LAP3: variants seen among roughly 807,000 people sequenced by gnomAD.
LAP3 encodes leucine aminopeptidase 3, also known as cytosol aminopeptidase.
In LAP3, 46 loss-of-function variants were observed where a neutral mutation model predicts 58.8. That is an observed-to-expected ratio of 0.78 (90% CI 0.62 to 1.00). The LOEUF (loss-of-function observed/expected upper bound fraction) is 1.00, where lower values mean the gene tolerates loss of function less well. LAP3 is among the 50% of genes least tolerant of loss of function. LAP3 has a pLI of 0.00. For synonymous variants in LAP3, 257 were observed against 237.7 expected (o/e 1.08, Z -0.75); for missense variants, 615 against 659.1 (o/e 0.93, Z 0.73).
rs776595519 is a variant in LAP3 at position 17,598,485 on chromosome 4, C to T, written c.1107C>T (p.Leu369=). Residue 369 remains leucine (L), a synonymous_variant, in exon 10 of 13, where the codon CTC becomes CTT. Transcript: ENST00000226299. ...ATAACACTGATGCTGAGGGGAGGCT[C>T]ATACTGGCTGATGCGCTCTGTTACG... ...QVDNTDAEGR[L]ILADALCYAH... The T allele has an allele frequency of 6.2e-7, 1 of 1,614,152 alleles. No homozygotes were observed. The highest frequency in any genetic ancestry group is 8.5e-7 in the Non-Finnish European group (1 of 1,179,974).
intron 7 of LAP3, among the ~76,000 whole-genome samples, chr4:17,594,520 C>G (rs1235302967): frequency 6.6e-6 from 1 of 152,228 alleles, no homozygotes; most frequent in Non-Finnish European, 1.5e-5. Context: ...GTCGAAGCCC[C>G]TGGCTCTGTG....
In LAP3 at chr4:17,595,292, C is replaced by T. The variant is rs1441858454; in HGVS notation, c.864-118C>T. ...TGACCTCGTGATCCGCCCACCTCGG[C>T]CTCCCAAAGTGCTGGGATTACAGGC... is the stretch of plus-strand genomic sequence containing the variant. On this transcript the variant is annotated intron_variant, in intron 7 of 12. Coordinates refer to ENST00000226299, the MANE Select transcript of LAP3 (RefSeq NM_015907.3). 9 of 1,132,364 alleles carry T rather than the reference C, an allele frequency of 7.9e-6. No individual in the cohort carries two copies. In the Admixed American group the frequency reaches 2.0e-4, roughly 25 times the overall value. The allele number at this position is 1,132,364 out of a possible 1,614,324, so 70.1% of individuals were successfully genotyped here. A position where few individuals can be genotyped will look rare whatever the true frequency, so the allele number is the denominator to read the frequency against.
intron 9 of LAP3, among the ~76,000 whole-genome samples, chr4:17,597,959 A>G (rs1304987818): frequency 6.6e-6 from 1 of 152,210 alleles, no homozygotes; most frequent in African/African-American, 2.4e-5. Flanking sequence ...TGAAGTTGCA[A>G]GAGTTTTCAT....
At chr4:17,597,500 C>T (rs1208752522) in intron 9 of LAP3, among the ~76,000 whole-genome samples, 2 of 152,208 alleles carry the variant, frequency 1.3e-5, no homozygotes, top group East Asian at 3.9e-4. Context: ...AACTCCTAGA[C>T]TCAAGTGATC....
At chr4:17,593,980 TAA>T (rs543230487) in intron 7 of LAP3, among the ~76,000 whole-genome samples, 1 of 152,086 alleles carries the variant, frequency 6.6e-6, no homozygotes, top group Non-Finnish European at 1.5e-5. Flanking sequence ...TGTGTGTGTG[TAA>T]AAATGTGCTG....
At chr4:17,598,338 G>T in intron 9 of LAP3, 118 bp from the exon 10 acceptor site, 1 of 740,646 alleles carries the variant, frequency 1.4e-6, no homozygotes, top group Non-Finnish European at 2.5e-6. Flanking sequence ...TGAATGGTTT[G>T]ATAATGACAC....
chr4:17,589,058 G>T (rs1000145733), intron 7 of LAP3, 81 bp downstream of exon 7: 2 of 1,411,294 alleles, frequency 1.4e-6, no homozygotes, highest in Non-Finnish European at 1.9e-6. Flanking sequence ...GGGTTTTTTG[G>T]TTTGATTTTT....
At chr4:17,596,955 C>T (rs1332873671) in intron 8 of LAP3, 91 bp from the exon 9 acceptor site, 3 of 1,144,436 alleles carry the variant, frequency 2.6e-6, no homozygotes, top group South Asian at 1.3e-5. Flanking sequence ...TTGTGTCTTG[C>T]TTCTCATGGC....
intron 7 of LAP3, among the ~76,000 whole-genome samples, chr4:17,593,648 G>C (rs1292863228): frequency 1.3e-4 from 14 of 106,682 alleles, no homozygotes; most frequent in Non-Finnish European, 5.1e-5. Context: ...GTCTCACTCT[G>C]TTGCCCAGGC....
intron 7 of LAP3, among the ~76,000 whole-genome samples, chr4:17,591,063 C>T (rs1423497828): frequency 1.3e-5 from 2 of 150,846 alleles, no homozygotes; most frequent in South Asian, 2.1e-4. Flanking sequence ...GCCACCACAC[C>T]CAGCCTAAAC....
chr4:17,607,883 G>GT lies in LAP3; in HGVS notation c.*295dup, dbSNP rs1318472198. The GT allele has an allele frequency of 4.5e-6, 1 of 222,010 alleles. No individual in the cohort carries two copies. The highest frequency in any genetic ancestry group is 1.2e-4 in the South Asian group (1 of 8,580). 13.8% of individuals were successfully genotyped at this position (222,010 alleles called of 1,614,324 possible). On this transcript the variant is annotated 3_prime_UTR_variant, in exon 13 of 13. Transcript: ENST00000226299. ...ATGTTTTTCATTGAGAAGCAAAATTGTAACTCAGATTTGTGATGCTAGGAA... is the reference window on the plus strand; with the variant it reads ...ATGTTTTTCATTGAGAAGCAAAATTGTTAACTCAGATTTGTGATGCTAGGAA...
At position 17,581,739 on chromosome 4, in the gene LAP3, G is replaced by A. The variant is rs747637522; in HGVS notation, c.219-21G>A. 27 of 1,607,200 alleles carry A rather than the reference G, an allele frequency of 1.7e-5. No individual in the cohort carries two copies. In the South Asian group the frequency reaches 2.1e-4, roughly 12 times the overall value. On this transcript the variant is annotated intron_variant, in intron 2 of 12. Coordinates refer to ENST00000226299, the MANE Select transcript of LAP3 (RefSeq NM_015907.3). Reference sequence around the variant, plus strand: ...CCGAGCAAAATACTTGTTTTAAAACGACTATTTCCTCTTGTTTTAGATCTG... The same window carrying A: ...CCGAGCAAAATACTTGTTTTAAAACAACTATTTCCTCTTGTTTTAGATCTG...
In LAP3 at chr4:17,604,592, C is replaced by T. The variant is rs1714069375; in HGVS notation, c.1185C>T (p.Ala395=). Reference sequence around the variant, plus strand: ...CTGAGGGCTTGTGTCTTACAGGTGCCATGGATGTAGCTTTGGGATCAGGTG... The same window carrying T: ...CTGAGGGCTTGTGTCTTACAGGTGCTATGGATGTAGCTTTGGGATCAGGTG... ...VILNAATLTG[A]MDVALGSGAT... Residue 395 remains alanine (A), a synonymous_variant, in exon 11 of 13, where the codon GCC becomes GCT. Coordinates refer to ENST00000226299, the MANE Select transcript of LAP3 (RefSeq NM_015907.3). 1 of 1,613,742 alleles carries T rather than the reference C, an allele frequency of 6.2e-7. No homozygotes were observed. The highest frequency in any genetic ancestry group is 1.7e-5 in the Admixed American group (1 of 59,998).
chr4:17,595,190 C>G (rs550327163), intron 7 of LAP3, among the ~76,000 whole-genome samples: 2 of 150,984 alleles, frequency 1.3e-5, no homozygotes, highest in South Asian at 2.1e-4. Flanking sequence ...AGGCGCCCAC[C>G]ACCACACCCG....
intron 12 of LAP3, 28 bp from the exon 13 acceptor site, chr4:17,607,372 G>A: frequency 6.3e-7 from 1 of 1,599,068 alleles, no homozygotes; most frequent in East Asian, 2.2e-5. Context: ...ACATGGGGTT[G>A]TAAAGTGCTT....
rs552349217 is a variant in LAP3 at position 17,588,892 on chromosome 4, G to A, written c.778G>A (p.Val260Ile). The change falls in exon 7 of 13, where the codon GTC becomes ATC. Residue 260 changes from valine to isoleucine, a missense_variant. Val to Ile is a conservative substitution (Grantham distance 29). Coordinates refer to ENST00000226299, the MANE Select transcript of LAP3 (RefSeq NM_015907.3). ...GGCCAAAGGATCTGACGAGCCCCCA[G>A]TCTTCTTGGAAATTCACTACAAAGG... ...SVAKGSDEPP[V>I]FLEIHYKGSP... is the part of the protein sequence containing the mutation. 6.2e-7 allele frequency: 1 copy of A among 1,613,990 alleles called. No homozygotes were observed. Among genetic ancestry groups the A allele is most frequent in the African/African-American group, 1.3e-5 (1 of 74,906 alleles).
chr4:17,602,500 G>C (rs962593811), intron 10 of LAP3, among the ~76,000 whole-genome samples: 1 of 151,984 alleles, frequency 6.6e-6, no homozygotes, highest in Admixed American at 6.6e-5. Context: ...CAACTTTGTT[G>C]GAGAAAAAAC....
Position 17,582,735 on chromosome 4 carries a change from C to T in LAP3, c.379+342C>T, listed in dbSNP as rs1713396037. On this transcript the variant is annotated intron_variant, in intron 4 of 12. Coordinates refer to ENST00000226299, the MANE Select transcript of LAP3 (RefSeq NM_015907.3). The stretch of plus-strand genomic sequence containing the variant: ...GATGCCTCCCGACTTTTAAATAACA[C>T]AGAGTCATCAGATTTTACAAATAAA... 4 of 190,602 alleles carry T rather than the reference C, an allele frequency of 2.1e-5. No homozygotes were observed. In the South Asian group the frequency reaches 3.6e-4, roughly 17 times the overall value. The allele number at this position is 190,602 out of a possible 1,614,324, so 11.8% of individuals were successfully genotyped here. A position where few individuals can be genotyped will look rare whatever the true frequency, so the allele number is the denominator to read the frequency against.
At chr4:17,589,427 C>T (rs1485427658) in intron 7 of LAP3, among the ~76,000 whole-genome samples, 6 of 152,070 alleles carry the variant, frequency 3.9e-5, no homozygotes, top group Non-Finnish European at 8.8e-5. Context: ...ATTTATTATG[C>T]TACCACCTCT....
Sources: gnomAD v4.1 joint callset for allele counts (sites outside exome capture counted in the v4.1 genomes callset) on GRCh38, gnomAD v4.1.1 for gene constraint, MANE v1.5 for transcripts, NCBI Gene and HGNC (gene_info 2026-07-23, HGNC 2026-07-21) for gene names.